Variants in PCDHGA1 observed in about 807,000 individuals in gnomAD.
PCDHGA1 encodes protocadherin gamma subfamily A, 1.
PCDHGA1 carries 32 observed loss-of-function variants against 58.0 expected under a neutral mutation model. That is an observed-to-expected ratio of 0.55 (90% CI 0.42 to 0.74). PCDHGA1 has a LOEUF of 0.74. PCDHGA1 is among the 30% of genes least tolerant of loss of function. The pLI is 0.00. For synonymous variants in PCDHGA1, 498 were observed against 501.1 expected, an observed-to-expected ratio of 0.99 and a Z score of 0.08; for missense variants, 1,205 against 1,182.3, an observed-to-expected ratio of 1.02 and a Z score of -0.28.
intron 1 of PCDHGA1, chr5:141,364,540 T>C (rs1380715716): frequency 1.9e-6 from 3 of 1,614,050 alleles, no homozygotes; most frequent in Admixed American, 1.7e-5. Flanking sequence ...TCTCCAGAGG[T>C]AGGACGCAGC....
At chr5:141,496,782 C>T (rs552953558) in intron 2 of PCDHGA1, among the ~76,000 whole-genome samples, 16 of 152,136 alleles carry the variant, frequency 1.1e-4, no homozygotes, top group South Asian at 2.1e-4. Context: ...TGAGCAGGGC[C>T]CTGTGCTAAA....
chr5:141,415,717 A>G, intron 1 of PCDHGA1: 1 of 839,652 alleles, frequency 1.2e-6, no homozygotes, highest in Non-Finnish European at 1.8e-6. Flanking sequence ...AACACTGATG[A>G]GTAGAATTTG....
At position 141,477,961 on chromosome 5, in the gene PCDHGA1, C is replaced by T. The variant is rs199947431; in HGVS notation, c.2422-16846C>T. 21 of 1,614,048 alleles carry T rather than the reference C, an allele frequency of 1.3e-5. No homozygotes were observed. The Admixed American group carries it at 1.5e-4, about 12-fold the overall frequency. On this transcript the variant is annotated intron_variant, in intron 1 of 3. Coordinates refer to ENST00000517417, the MANE Select transcript of PCDHGA1 (RefSeq NM_018912.3). The surrounding 1 kb of genome is among the most constrained non-coding windows in gnomAD (Gnocchi z 4.9). Reference sequence around the variant, plus strand: ...CCTACAGTCTCTTGGGATCCCCTAACCAGAGCCTTTTTGCCATAGGGCTGC... The same window carrying T: ...CCTACAGTCTCTTGGGATCCCCTAATCAGAGCCTTTTTGCCATAGGGCTGC...
intron 1 of PCDHGA1, among the ~76,000 whole-genome samples, chr5:141,453,999 A>C (rs1561953352): frequency 6.6e-6 from 1 of 152,258 alleles, no homozygotes; most frequent in South Asian, 2.1e-4. Flanking sequence ...ATAAACCCAC[A>C]TAACATTTTA....
intron 1 of PCDHGA1, among the ~76,000 whole-genome samples, chr5:141,437,339 T>A (rs1008090968): frequency 3.3e-5 from 5 of 152,262 alleles, no homozygotes; most frequent in Non-Finnish European, 7.3e-5. Context: ...GTAGCTTCAC[T>A]GTTTTATAGT....
chr5:141,366,653 T>TACGCAGAC (rs781417459), intron 1 of PCDHGA1: 2 of 1,614,240 alleles, frequency 1.2e-6, no homozygotes, highest in East Asian at 4.5e-5. Context: ...CCAGCCCAAC[T>TACGCAGAC]ACGCAGACAC....
rs1212381177 is a variant in PCDHGA1 at position 141,438,571 on chromosome 5, TATACATAC to T, written c.2422-56220_2422-56213del. On this transcript the variant is annotated intron_variant, in intron 1 of 3. Coordinates refer to ENST00000517417, the MANE Select transcript of PCDHGA1 (RefSeq NM_018912.3). Reference sequence around the variant, plus strand: ...GCCCTAATAAGAGGCAGCTGTCTGATATACATACATACATACATACATATATATATATA... The same window carrying T: ...GCCCTAATAAGAGGCAGCTGTCTGATATACATACATACATATATATATATA... Among the ~76,000 whole-genome samples the T allele has an allele frequency of 2.8e-4, 26 of 94,536 alleles. 1 individual carries two copies. Among genetic ancestry groups the T allele is most frequent in the South Asian group, 1.0e-3 (3 of 2,950 alleles). 62.0% of individuals were successfully genotyped at this position (94,536 alleles called of 152,430 possible). A position where few individuals can be genotyped will look rare whatever the true frequency, so the allele number is the denominator to read the frequency against.
chr5:141,331,501 G>T lies in PCDHGA1; in HGVS notation c.817G>T (p.Ala273Ser). ...AAATGCCACTGACCCTGATGAGGGA[G>T]CCAATGGGGAAGTAACGTACTCCTT... Reference protein sequence around the residue: ...MVNATDPDEGANGEVTYSFHN... With the variant: ...MVNATDPDEGSNGEVTYSFHN... Residue 273 changes from alanine to serine, a missense_variant, in exon 1 of 4, where the codon GCC (alanine) becomes TCC (serine). Coordinates refer to ENST00000517417, the MANE Select transcript of PCDHGA1 (RefSeq NM_018912.3). 1.2e-6 allele frequency: 2 copies of T among 1,614,208 alleles called. No homozygotes were observed. The highest frequency in any genetic ancestry group is 1.7e-6 in the Non-Finnish European group (2 of 1,180,044).
At chr5:141,366,244 C>A in intron 1 of PCDHGA1, 1 of 1,613,770 alleles carries the variant, frequency 6.2e-7, no homozygotes, top group Non-Finnish European at 8.5e-7. Flanking sequence ...GAGACGCGCT[C>A]AAGCAGAGCC....
chr5:141,373,350 A>G (rs1769502656), intron 1 of PCDHGA1, among the ~76,000 whole-genome samples: 1 of 152,206 alleles, frequency 6.6e-6, no homozygotes, highest in Non-Finnish European at 1.5e-5. Context: ...AACTCTTGTA[A>G]TGGGCACTGT....
intron 1 of PCDHGA1, chr5:141,362,616 G>A (rs964810850): frequency 2.6e-6 from 4 of 1,543,942 alleles, no homozygotes; most frequent in Non-Finnish European, 3.5e-6. Flanking sequence ...ATTTGGGTAG[G>A]AAGTTCCACT....
At chr5:141,409,618 G>T (rs374484255) in intron 1 of PCDHGA1, 77 of 1,613,776 alleles carry the variant, frequency 4.8e-5, no homozygotes, top group Non-Finnish European at 6.3e-5. Context: ...CCTCCATTGC[G>T]CAAGTGAGCG....
At position 141,431,942 on chromosome 5, in the gene PCDHGA1, G is replaced by A. The variant is rs1284808063; in HGVS notation, c.2422-62865G>A. 6.2e-7 allele frequency: 1 copy of A among 1,614,116 alleles called. No homozygotes were observed. The highest frequency in any genetic ancestry group is 2.2e-5 in the East Asian group (1 of 44,884). ...CCAAGGAAATCTGCCCTTTAAATTA[G>A]AAAAATCTTACGGAAATTACTATAG... On this transcript the variant is annotated intron_variant, in intron 1 of 3. Transcript: ENST00000517417. The surrounding 1 kb of genome is among the most constrained non-coding windows in gnomAD (Gnocchi z 4.8).
At chr5:141,388,676 G>A in intron 1 of PCDHGA1, 7 of 1,613,946 alleles carry the variant, frequency 4.3e-6, no homozygotes, top group East Asian at 2.2e-5. Flanking sequence ...TGCTACAGGT[G>A]ACTGCCACGG....
At chr5:141,388,195 T>C in intron 1 of PCDHGA1, 1 of 1,563,830 alleles carries the variant, frequency 6.4e-7, no homozygotes, top group Non-Finnish European at 8.8e-7. Flanking sequence ...GCTTGTGCTC[T>C]GGAATTTGAG....
intron 1 of PCDHGA1, chr5:141,359,994 C>A: frequency 9.3e-7 from 1 of 1,074,148 alleles, no homozygotes. Context: ...GGGGAACTTC[C>A]TGCACAAACC....
chr5:141,474,710 A>T (rs535069070), intron 1 of PCDHGA1, among the ~76,000 whole-genome samples: 31 of 152,330 alleles, frequency 2.0e-4, no homozygotes, highest in African/African-American at 6.3e-4. Context: ...GTTCTATTAT[A>T]CTTCAAAAGG....
chr5:141,422,450 G>C (rs748354292), intron 1 of PCDHGA1: 71 of 1,611,564 alleles, frequency 4.4e-5, no homozygotes, highest in Non-Finnish European at 5.9e-5. Flanking sequence ...TTGATAACAA[G>C]CAGAGTGCTG....
chr5:141,391,331 G>A (rs75432065), intron 1 of PCDHGA1: 5 of 95,914 alleles, frequency 5.2e-5, no homozygotes, highest in Non-Finnish European at 6.3e-5. Context: ...TTTTTTTTTT[G>A]AGACAGAGTC....
Sources: allele counts gnomAD v4.1 joint callset (sites outside exome capture counted in the v4.1 genomes callset), GRCh38; gene constraint gnomAD v4.1.1; non-coding constraint Gnocchi (gnomAD v3.1); transcripts MANE v1.5; gene names NCBI Gene and HGNC (gene_info 2026-07-23, HGNC 2026-07-21).